The following POLI variants were observed in gnomAD, a reference collection of about 807,000 sequenced individuals.
POLI encodes DNA polymerase iota, also known as RAD30 homolog B.
POLI carries 58 observed loss-of-function variants against 51.6 expected under a neutral mutation model. The observed-to-expected ratio is 1.12, with a 90% confidence interval of 0.91 to 1.40. The LOEUF (loss-of-function observed/expected upper bound fraction) is 1.40, where lower values mean the gene tolerates loss of function less well. Ranked by LOEUF, POLI falls within the 40% of genes most tolerant of loss-of-function variation. The pLI, the probability that POLI is intolerant of heterozygous loss-of-function variation, is 0.00. For missense variants in POLI, 921 were observed against 871.3 expected (o/e 1.06, Z -0.72); for synonymous variants, 322 against 299.7 (o/e 1.07, Z -0.77).
At chr18:54,307,213 T>G (rs181775755) in intron 3 of POLI, among the ~76,000 whole-genome samples, 1 of 152,378 alleles carries the variant, frequency 6.6e-6, no homozygotes, top group East Asian at 1.9e-4. Context: ...TCCTGCTTTC[T>G]CTTGTGGGCA....
chr18:54,287,627 T>C (rs1159999900), intron 8 of POLI: 1 of 361,616 alleles, frequency 2.8e-6, no homozygotes, highest in Non-Finnish European at 5.3e-6. Context: ...GCACCAAGGC[T>C]GAAGTGCAGT....
At chr18:54,308,213 C>T (rs374091118) in intron 3 of POLI, among the ~76,000 whole-genome samples, 2 of 152,178 alleles carry the variant, frequency 1.3e-5, no homozygotes, top group East Asian at 1.9e-4. Flanking sequence ...TTTGCAGTGG[C>T]TGGTACCGGT....
Position 54,297,887 on chromosome 18 carries a change from T to A in POLI, c.*3420T>A, listed in dbSNP as rs888338825. On this transcript the variant is annotated 3_prime_UTR_variant, in exon 10 of 10. Coordinates refer to ENST00000579534, the MANE Select transcript of POLI (RefSeq NM_007195.3). ...TGGTGGGGGCTTACCTTTTTTCTTG[T>A]GTGTCAGATGTTCCTTCTAGGTAGA... 8 of 982,544 alleles carry A rather than the reference T, an allele frequency of 8.1e-6. No homozygotes were observed. In the African/African-American group the frequency reaches 1.4e-4, roughly 17 times the overall value. The allele number at this position is 982,544 out of a possible 1,614,324, so 60.9% of individuals were successfully genotyped here. A position where few individuals can be genotyped will look rare whatever the true frequency, so the allele number is the denominator to read the frequency against.
rs2088161976 is a variant in POLI at position 54,294,012 on chromosome 18, A to G, written c.1768A>G (p.Ser590Gly). The part of the protein sequence containing the change: ...IPINPRDHLS[S>G]SKQVSSVSPC... ...CATAAATCCTAGAGATCATTTATCC[A>G]GTAGCAAACAGGTATCCTCTGTATC... Residue 590 changes from serine (S) to glycine (G), a missense_variant, in exon 10 of 10, where the codon AGT (serine) becomes GGT (glycine). Physicochemically the swap from Ser to Gly is moderately conservative, Grantham distance 56 (BLOSUM62 0). Transcript: ENST00000579534. 9 of 1,613,636 alleles carry G rather than the reference A, an allele frequency of 5.6e-6. No individual in the cohort carries two copies. The highest frequency in any genetic ancestry group is 7.6e-6 in the Non-Finnish European group (9 of 1,179,668).
rs908551674 is a variant in POLI, at chr18:54,295,285, C to T, written c.*818C>T. The T allele has an allele frequency of 3.8e-5, 37 of 984,084 alleles. No homozygotes were observed. The highest frequency in any genetic ancestry group is 4.3e-5 in the Non-Finnish European group (36 of 828,794). The allele number at this position is 984,084 out of a possible 1,614,324, so 61.0% of individuals were successfully genotyped here. On this transcript the variant is annotated 3_prime_UTR_variant, in exon 10 of 10. Transcript: ENST00000579534. ...AGCACTGAGATGTTTTTGTATCTTC[C>T]CTACATTTGGAGATGATATTAGGTT...
downstream of POLI, among the ~76,000 whole-genome samples, chr18:54,300,774 C>T (rs372566869): frequency 5.1e-4 from 78 of 152,102 alleles, 1 homozygote; most frequent in South Asian, 8.5e-3. Flanking sequence ...ATAAAAGACA[C>T]GAGTCTAACA....
intron 1 of POLI, chr18:54,270,745 C>G (rs3730680): frequency 6.6e-6 from 1 of 152,190 alleles, no homozygotes; most frequent in African/African-American, 2.4e-5. Context: ...AAATAATGAC[C>G]TAACAACTTT....
chr18:54,297,993 C>A lies in POLI; in HGVS notation c.*3526C>A, dbSNP rs1280481394. On this transcript the variant is annotated 3_prime_UTR_variant, in exon 10 of 10. Coordinates refer to ENST00000579534, the MANE Select transcript of POLI (RefSeq NM_007195.3). ...CTCTTGAGCTGTTCTAAGATAATAT[C>A]TTTTACTTTGGAGATACGCAGTTTT... is the stretch of plus-strand genomic sequence containing the variant. 1 of 980,290 alleles carries A rather than the reference C, an allele frequency of 1.0e-6. No homozygotes were observed. The highest frequency in any genetic ancestry group is 1.2e-6 in the Non-Finnish European group (1 of 825,558). The allele number at this position is 980,290 out of a possible 1,614,324, so 60.7% of individuals were successfully genotyped here.
downstream of POLI, among the ~76,000 whole-genome samples, chr18:54,302,172 TATG>T (rs2088503656): frequency 6.6e-6 from 1 of 152,226 alleles, no homozygotes; most frequent in African/African-American, 2.4e-5. Context: ...GTTTATCAAA[TATG>T]ATGATTAAAA....
At chr18:54,304,358 C>G (rs929920141) in intron 3 of POLI, among the ~76,000 whole-genome samples, 22 of 152,178 alleles carry the variant, frequency 1.4e-4, no homozygotes, top group African/African-American at 5.1e-4. Context: ...AATGGTTGAA[C>G]TAATTTACAC....
downstream of POLI, among the ~76,000 whole-genome samples, chr18:54,302,549 C>G (rs545107146): frequency 4.6e-5 from 7 of 152,254 alleles, no homozygotes; most frequent in African/African-American, 1.4e-4. Context: ...TACAGGCATG[C>G]AATGCATAAT....
chr18:54,294,510 AT>A lies in POLI; in HGVS notation c.*47del. ...GTCTGAAAAGCAAGGGAATACCATTATTTTCGGATTAGCGGTTTATTAAGCT... is the reference window on the plus strand; with the variant it reads ...GTCTGAAAAGCAAGGGAATACCATTATTTCGGATTAGCGGTTTATTAAGCT... On this transcript the variant is annotated 3_prime_UTR_variant, in exon 10 of 10. Transcript: ENST00000579534. 6.6e-7 allele frequency: 1 copy of A among 1,525,018 alleles called. No homozygotes were observed. The highest frequency in any genetic ancestry group is 8.8e-7 in the Non-Finnish European group (1 of 1,142,696). The allele number at this position is 1,525,018 out of a possible 1,614,324, so 94.5% of individuals were successfully genotyped here. A position where few individuals can be genotyped will look rare whatever the true frequency, so the allele number is the denominator to read the frequency against.
At chr18:54,289,147 G>A (rs779051482) in intron 8 of POLI, among the ~76,000 whole-genome samples, 7 of 148,302 alleles carry the variant, frequency 4.7e-5, no homozygotes, top group Admixed American at 1.3e-4. Flanking sequence ...AACGTAATCT[G>A]CAGAATTTAC....
chr18:54,314,189 T>C (rs986287956), intron 3 of POLI, among the ~76,000 whole-genome samples: 3 of 152,196 alleles, frequency 2.0e-5, no homozygotes, highest in Admixed American at 1.3e-4. Flanking sequence ...AAGCCTCTTC[T>C]GGATCCATTG....
chr18:54,287,338 C>A lies in POLI; in HGVS notation c.1125C>A (p.Ser375=). The change falls in exon 8 of 10, where the codon TCC becomes TCA. Residue 375 remains serine, a synonymous_variant. Coordinates refer to ENST00000579534, the MANE Select transcript of POLI (RefSeq NM_007195.3). ...HTVRLIIRRY[S]SEKHYGRESR... Reference sequence around the variant, plus strand: ...TGAGATTAATAATCCGTCGGTATTCCTCTGAGAAGCACTATGGTCGTGAGA... The same window carrying A: ...TGAGATTAATAATCCGTCGGTATTCATCTGAGAAGCACTATGGTCGTGAGA... 6.3e-7 allele frequency: 1 copy of A among 1,594,354 alleles called. No homozygotes were observed. Among genetic ancestry groups the A allele is most frequent in the Non-Finnish European group, 8.6e-7 (1 of 1,166,462 alleles).
intron 7 of POLI, among the ~76,000 whole-genome samples, chr18:54,286,198 T>G (rs1314025239): frequency 2.0e-5 from 3 of 152,148 alleles, no homozygotes; most frequent in Non-Finnish European, 4.4e-5. Flanking sequence ...ATCTTCAAGT[T>G]GAGTGTGTTT....
chr18:54,272,815 T>C (rs1239068368), intron 2 of POLI, among the ~76,000 whole-genome samples: 1 of 151,906 alleles, frequency 6.6e-6, no homozygotes, highest in Non-Finnish European at 1.5e-5. Context: ...TAATGCTCTA[T>C]TAAAGGACTC....
chr18:54,269,895 G>A, intron 1 of POLI: 2 of 1,250,646 alleles, frequency 1.6e-6, no homozygotes, highest in Middle Eastern at 3.1e-4. Flanking sequence ...CGTGTCGAGG[G>A]TTTATCTGCG....
At chr18:54,271,559 A>G (rs2087003390) in intron 2 of POLI, 74 bp downstream of exon 2, 4 of 1,038,448 alleles carry the variant, frequency 3.9e-6, no homozygotes, top group Non-Finnish European at 5.5e-6. Context: ...TTATATACTG[A>G]TTTATTAACC....
Sources: allele counts gnomAD v4.1 joint callset (sites outside exome capture counted in the v4.1 genomes callset), GRCh38; gene constraint gnomAD v4.1.1; transcripts MANE v1.5; gene names NCBI Gene and HGNC (gene_info 2026-07-23, HGNC 2026-07-21).